AGMAT: variants seen among roughly 807,000 people sequenced by gnomAD.
The protein encoded by AGMAT is guanidino acid hydrolase, mitochondrial.
A neutral mutation model predicts 29.3 loss-of-function variants in AGMAT; 37 were observed. The observed-to-expected ratio is 1.26, with a 90% CI of 0.97 to 1.66. The LOEUF is 1.66. Among genes scored for constraint, AGMAT ranks in the 40% most tolerant of loss-of-function variants. The pLI is 0.00. For missense variants in AGMAT, 498 were observed against 497.8 expected (o/e 1.00, Z 0.00); for synonymous variants, 199 against 200.8 (o/e 0.99, Z 0.08).
Position 15,585,040 on chromosome 1 carries a change from C to G in AGMAT, c.-73G>C. On this transcript the variant is annotated 5_prime_UTR_variant, in exon 1 of 7. Coordinates refer to ENST00000375826, the MANE Select transcript of AGMAT (RefSeq NM_024758.5). ...CCGCGATCTGGCTGGTCCCGAACGG[C>G]GAGGCGAGTGTGCACGCGCCAGAGC... 2 of 1,260,892 alleles carry G rather than the reference C, an allele frequency of 1.6e-6. No homozygotes were observed. Among genetic ancestry groups the G allele is most frequent in the Non-Finnish European group, 2.0e-6 (2 of 1,004,780 alleles). The allele number at this position is 1,260,892 out of a possible 1,614,324, so 78.1% of individuals were successfully genotyped here. A position where few individuals can be genotyped will look rare whatever the true frequency, so the allele number is the denominator to read the frequency against.
chr1:15,583,128 C>G, intron 2 of AGMAT, 65 bp downstream of exon 2: 4 of 1,390,424 alleles, frequency 2.9e-6, no homozygotes, highest in Non-Finnish European at 3.9e-6. Context: ...ACTCAAGCCC[C>G]TGAGTACAGG....
chr1:15,578,905 CG>C lies in AGMAT; in HGVS notation c.673del (p.Arg225GlyfsTer20), dbSNP rs757555651. The C allele has an allele frequency of 6.2e-6, 10 of 1,614,020 alleles. No homozygotes were observed. In the African/African-American group the frequency reaches 1.2e-4, roughly 19 times the overall value. ...GGGATCCAAGGTCGTGGAAGAGCCC[CG>C]GATGCCAATCTGCACCACACGCTTA... is the stretch of plus-strand genomic sequence containing the variant. ...DCKRVVQIGI[R>X]GSSTTLDPYR... On this transcript the variant is annotated frameshift_variant, in exon 4 of 7. Transcript: ENST00000375826. LOFTEE classifies it high-confidence loss of function.
In AGMAT at chr1:15,584,229, G is replaced by A. The variant is rs376971255; in HGVS notation, c.272+467C>T. Among the ~76,000 whole-genome samples, 11 of 152,302 alleles carry A rather than the reference G, an allele frequency of 7.2e-5. No individual in the cohort carries two copies. The East Asian group carries it at 1.5e-3, about 21-fold the overall frequency. On this transcript the variant is annotated intron_variant, in intron 1 of 6. Transcript: ENST00000375826. ...GCAATCTCAGCTCACTGCAACCTCCGTCTCCCGGGTTCAAGCGATTCTCCT... is the reference window on the plus strand; with the variant it reads ...GCAATCTCAGCTCACTGCAACCTCCATCTCCCGGGTTCAAGCGATTCTCCT...
rs1427475194 is a variant in AGMAT at position 15,573,704 on chromosome 1, C to A, written c.1006G>T (p.Ala336Ser). Residue 336 changes from alanine to serine, a missense_variant, in exon 7 of 7, where the codon GCT becomes TCT. By Grantham distance (99) the Ala-to-Ser change is moderately conservative. Coordinates refer to ENST00000375826, the MANE Select transcript of AGMAT (RefSeq NM_024758.5). Reference protein sequence around the residue: ...DLSGNTALLAANLLFEMLCAL... With the variant: ...DLSGNTALLASNLLFEMLCAL... ...CATAGCATCTCAAACAGCAGGTTAG[C>A]CGCCAGCAGGGCTGTGTTCCCTAAG... The A allele has an allele frequency of 1.9e-6, 3 of 1,614,186 alleles. No individual in the cohort carries two copies. The highest frequency in any genetic ancestry group is 2.5e-6 in the Non-Finnish European group (3 of 1,180,016).
rs33990724 is a variant in AGMAT at position 15,572,352 on chromosome 1, C to CTTTTTTTT, written c.*1291_*1298dup. The stretch of plus-strand genomic sequence containing the variant: ...GGCGTGAGCCACTGGGTCCGGCCTG[C>CTTTTTTTT]TTTTTTTTTTTTTTTTTTTTTTTTG... On this transcript the variant is annotated 3_prime_UTR_variant, in exon 7 of 7. Transcript: ENST00000375826. 13 of 43,736 alleles carry CTTTTTTTT rather than the reference C, an allele frequency of 3.0e-4. 2 individuals carry two copies. The highest frequency in any genetic ancestry group is 1.2e-3 in the African/African-American group (11 of 9,522). 2.7% of individuals were successfully genotyped at this position (43,736 alleles called of 1,614,324 possible).
chr1:15,580,092 AC>A lies in AGMAT; in HGVS notation c.524+1del. 6.2e-7 allele frequency: 1 copy of A among 1,613,424 alleles called. No homozygotes were observed. The highest frequency in any genetic ancestry group is 1.1e-5 in the South Asian group (1 of 91,062). ...GCTGGGCCCAAGCCATTTGAGACTT[AC>A]TTTTTTGCCATCGCTTGCAATATGG... On this transcript the variant is annotated splice_donor_variant, in intron 3 of 6. Coordinates refer to ENST00000375826, the MANE Select transcript of AGMAT (RefSeq NM_024758.5). LOFTEE classifies it high-confidence loss of function.
intron 3 of AGMAT, among the ~76,000 whole-genome samples, chr1:15,579,420 GCT>G (rs1443296916): frequency 2.6e-5 from 4 of 152,094 alleles, no homozygotes; most frequent in African/African-American, 9.7e-5. Context: ...CTTTAATCCA[GCT>G]CTCTCCATAA....
At chr1:15,580,201 C>CTTTT (rs34166013) in intron 2 of AGMAT, 59 bp from the exon 3 acceptor site, 1,282 of 567,778 alleles carry the variant, frequency 2.3e-3, no homozygotes, top group African/African-American at 4.2e-3. Flanking sequence ...ATAGAATAAT[C>CTTTT]TTTTTTTTTT....
chr1:15,583,163 A>G, intron 2 of AGMAT, 30 bp downstream of exon 2: 1 of 1,608,452 alleles, frequency 6.2e-7, no homozygotes, highest in Non-Finnish European at 8.5e-7. Flanking sequence ...AGTGCAGGGA[A>G]CTACTCTGGC....
Position 15,578,929 on chromosome 1 carries a change from T to G in AGMAT, c.650A>C (p.Lys217Thr). The G allele has an allele frequency of 1.9e-6, 3 of 1,614,102 alleles. No individual in the cohort carries two copies. The highest frequency in any genetic ancestry group is 2.5e-6 in the Non-Finnish European group (3 of 1,180,010). ...CCGGATGCCAATCTGCACCACACGC[T>G]TACAGTCCAGGAGACCCTCATCCAC... Reference protein sequence around the residue: ...RCVDEGLLDCKRVVQIGIRGS... With the variant: ...RCVDEGLLDCTRVVQIGIRGS... Residue 217 changes from lysine to threonine, a missense_variant, in exon 4 of 7, where the codon AAG becomes ACG. Physicochemically the swap from Lys to Thr is moderately conservative, Grantham distance 78. Transcript: ENST00000375826.
rs749039896 is a variant in AGMAT, at chr1:15,583,269, G to A, written c.399C>T (p.Asn133=). The A allele has an allele frequency of 1.9e-6, 3 of 1,614,070 alleles. No homozygotes were observed. The highest frequency in any genetic ancestry group is 2.2e-5 in the East Asian group (1 of 44,898). The change falls in exon 2 of 7, where the codon AAC becomes AAT. Residue 133 remains asparagine, a synonymous_variant. Coordinates refer to ENST00000375826, the MANE Select transcript of AGMAT (RefSeq NM_024758.5). Reference sequence around the variant, plus strand: ...GAATTCGCCGGCAGCTGTCCTGAAGGTTGTAAAGATTGACATTCACATCGC... The same window carrying A: ...GAATTCGCCGGCAGCTGTCCTGAAGATTGTAAAGATTGACATTCACATCGC... The part of the protein sequence containing the change: ...DLGDVNVNLY[N]LQDSCRRIQE...
At chr1:15,580,174 G>A in intron 2 of AGMAT, 32 bp from the exon 3 acceptor site, 3 of 1,180,336 alleles carry the variant, frequency 2.5e-6, no homozygotes, top group Non-Finnish European at 3.8e-6. Flanking sequence ...CATCTGGAAA[G>A]TGAATTGGAG....
At chr1:15,581,778 G>C (rs1639118214) in intron 2 of AGMAT, among the ~76,000 whole-genome samples, 1 of 152,034 alleles carries the variant, frequency 6.6e-6, no homozygotes, top group Non-Finnish European at 1.5e-5. Context: ...AGGAGGCTGA[G>C]GCAGGAGAAT....
intron 1 of AGMAT, among the ~76,000 whole-genome samples, chr1:15,584,333 G>C (rs1207517030): frequency 6.8e-6 from 1 of 147,574 alleles, no homozygotes; most frequent in Non-Finnish European, 1.5e-5. Flanking sequence ...TTGTACCTTT[G>C]TAGAGACAGA....
intron 2 of AGMAT, among the ~76,000 whole-genome samples, chr1:15,582,665 C>T (rs1317108144): frequency 6.6e-6 from 1 of 152,190 alleles, no homozygotes; most frequent in Non-Finnish European, 1.5e-5. Flanking sequence ...AGGACAAAAA[C>T]ACCCTCTTTG....
chr1:15,577,901 A>AT, intron 4 of AGMAT, 37 bp from the exon 5 acceptor site: 1 of 1,598,334 alleles, frequency 6.3e-7, no homozygotes, highest in Non-Finnish European at 8.5e-7. Flanking sequence ...GTCTGGCAGC[A>AT]TTTACAGGGC....
At position 15,584,865 on chromosome 1, in the gene AGMAT, G is replaced by A. The variant is rs751394376; in HGVS notation, c.103C>T (p.Gln35Ter). 2.3e-5 allele frequency: 32 copies of A among 1,410,292 alleles called. No homozygotes were observed. The highest frequency in any genetic ancestry group is 2.7e-5 in the Non-Finnish European group (29 of 1,088,136). 87.4% of individuals were successfully genotyped at this position (1,410,292 alleles called of 1,614,324 possible). Residue 35 changes from glutamine to a stop codon, truncating the protein, a stop_gained, in exon 1 of 7, where the codon CAG (glutamine) becomes TAG (stop). Transcript: ENST00000375826. LOFTEE classifies it high-confidence loss of function. ...TGGTTCCGGGGCGCGTCGGAAGCCT[G>A]GCGGCTCTGGCGGCGCCCCGGATGA... ...LFHPGRRQSR[Q>*]ASDAPRNQPP...
chr1:15,583,533 C>T (rs905061839), intron 1 of AGMAT, 138 bp from the exon 2 acceptor site: 5 of 837,772 alleles, frequency 6.0e-6, no homozygotes, highest in Non-Finnish European at 9.3e-6. Flanking sequence ...TGCTTAGCAG[C>T]ATCCCGGCCT....
Position 15,583,264 on chromosome 1 carries a change from T to C in AGMAT, c.404A>G (p.Gln135Arg). 6.2e-7 allele frequency: 1 copy of C among 1,614,158 alleles called. No homozygotes were observed. The highest frequency in any genetic ancestry group is 8.5e-7 in the Non-Finnish European group (1 of 1,180,036). ...CTCTTGAATTCGCCGGCAGCTGTCC[T>C]GAAGGTTGTAAAGATTGACATTCAC... ...GDVNVNLYNL[Q>R]DSCRRIQEAY... The change falls in exon 2 of 7, where the codon CAG (glutamine) becomes CGG (arginine). Residue 135 changes from glutamine (Q) to arginine (R), a missense_variant. Gln to Arg is a conservative substitution (Grantham distance 43). Transcript: ENST00000375826.
Sources: gnomAD v4.1 joint callset for allele counts (sites outside exome capture counted in the v4.1 genomes callset) on GRCh38, gnomAD v4.1.1 for gene constraint, MANE v1.5 for transcripts, NCBI Gene and HGNC (gene_info 2026-07-23, HGNC 2026-07-21) for gene names.